VRTN: variants seen among roughly 807,000 people sequenced by gnomAD.
VRTN encodes the protein vertebrae development associated.
A neutral mutation model predicts 18.2 loss-of-function variants in VRTN; 5 were observed. The ratio of observed to expected loss-of-function variants is 0.27; its 90% CI spans 0.14 to 0.58. VRTN has a LOEUF of 0.58. Ranked by LOEUF, VRTN falls within the 20% of genes least tolerant of loss-of-function variation. VRTN has a pLI of 0.91. For missense variants in VRTN, 741 were observed against 939.4 expected, an observed-to-expected ratio of 0.79 and a Z score of 2.76; for synonymous variants, 381 against 393.7, an observed-to-expected ratio of 0.97 and a Z score of 0.38.
At chr14:74,343,080 C>G (rs919297638) in intron 2 of VRTN, among the ~76,000 whole-genome samples, 3 of 151,978 alleles carry the variant, frequency 2.0e-5, no homozygotes, top group Admixed American at 2.0e-4. Flanking sequence ...ATTATACTGG[C>G]AGGGTGGAGA....
chr14:74,308,012 G>A (rs986946124), intron 1 of VRTN, among the ~76,000 whole-genome samples: 87 of 152,332 alleles, frequency 5.7e-4, no homozygotes, highest in African/African-American at 2.0e-3. Flanking sequence ...ACAGGTGTAA[G>A]CCACCGGGTT....
At chr14:74,346,180 G>A (rs138994859), upstream of VRTN, among the ~76,000 whole-genome samples, 204 of 151,918 alleles carry the variant, frequency 1.3e-3, no homozygotes, top group African/African-American at 4.6e-3. Flanking sequence ...GCGTGTGCCT[G>A]TTGTCCCAGC....
intron 1 of VRTN, among the ~76,000 whole-genome samples, chr14:74,353,156 G>C (rs1039980271): frequency 6.6e-6 from 1 of 152,106 alleles, no homozygotes; most frequent in South Asian, 2.1e-4. Flanking sequence ...GGGCGTGGTG[G>C]CATGTGCCTA....
At chr14:74,355,488 A>G (rs1464024583) in intron 1 of VRTN, among the ~76,000 whole-genome samples, 2 of 152,112 alleles carry the variant, frequency 1.3e-5, no homozygotes, top group African/African-American at 4.8e-5. Flanking sequence ...AACGACATGT[A>G]CTTAAGGATA....
At chr14:74,333,362 G>T (rs62006828) in intron 1 of VRTN, among the ~76,000 whole-genome samples, 3 of 151,982 alleles carry the variant, frequency 2.0e-5, no homozygotes, top group African/African-American at 7.3e-5. Flanking sequence ...CAGCCTGGGC[G>T]ACAGAGCGAG....
At chr14:74,333,248 T>G (rs1035359465) in intron 1 of VRTN, among the ~76,000 whole-genome samples, 1 of 151,722 alleles carries the variant, frequency 6.6e-6, no homozygotes, top group African/African-American at 2.4e-5. Flanking sequence ...CTGGGTGTGG[T>G]GGCATGTGCC....
chr14:74,319,984 C>T (rs536756069), intron 1 of VRTN, among the ~76,000 whole-genome samples: 2 of 152,246 alleles, frequency 1.3e-5, no homozygotes, highest in South Asian at 2.1e-4. Flanking sequence ...CACGGTGGCT[C>T]ATGCCTGTAA....
intron 1 of VRTN, among the ~76,000 whole-genome samples, chr14:74,311,511 C>G (rs1244572441): frequency 6.6e-6 from 1 of 151,034 alleles, no homozygotes; most frequent in Non-Finnish European, 1.5e-5. Flanking sequence ...ACCTCTGCCT[C>G]CTGGGGTCAA....
Position 74,334,817 on chromosome 14 carries a change from C to T in VRTN, c.-163-2906C>T, listed in dbSNP as rs59168266. The stretch of plus-strand genomic sequence containing the variant: ...ATCTTGCATACTCCCAGGTACATGC[C>T]GCCCACCTCTGAGCTCCTTGGTACG... On this transcript the variant is annotated intron_variant, in intron 1 of 2. Transcript: ENST00000557177. 4.4e-3 allele frequency among the ~76,000 whole-genome samples: 663 copies of T among 152,238 alleles called. 2 individuals carry two copies. The highest frequency in any genetic ancestry group is 8.0e-3 in the Admixed American group (122 of 15,290).
At chr14:74,312,569 G>A (rs2085394942) in intron 1 of VRTN, among the ~76,000 whole-genome samples, 1 of 151,916 alleles carries the variant, frequency 6.6e-6, no homozygotes, top group South Asian at 2.1e-4. Flanking sequence ...TTCCACCTCA[G>A]CCTCCCGAGT....
At chr14:74,326,124 CCTT>C (rs1267653228) in intron 1 of VRTN, among the ~76,000 whole-genome samples, 1 of 152,122 alleles carries the variant, frequency 6.6e-6, no homozygotes, top group Non-Finnish European at 1.5e-5. Flanking sequence ...GATTCCAAGT[CCTT>C]CTTCTCCCCA....
chr14:74,310,617 A>G (rs905620164), intron 1 of VRTN, among the ~76,000 whole-genome samples: 3 of 144,144 alleles, frequency 2.1e-5, no homozygotes, highest in African/African-American at 7.7e-5. Context: ...GGCTCACTGC[A>G]GCCTCCGCCT....
rs2085658293 is a variant in VRTN, at chr14:74,348,480, TAGACGGTCCATGCTCAATGGTCCTCTAC to T, written c.-170_-143del. The T allele has an allele frequency of 1.3e-5, 2 of 152,282 alleles. No homozygotes were observed. Among genetic ancestry groups the T allele is most frequent in the Non-Finnish European group, 2.9e-5 (2 of 68,076 alleles). 9.4% of individuals were successfully genotyped at this position (152,282 alleles called of 1,614,324 possible). ...CGCTTCCCCACCGGCCAGTTGGCTG[TAGACGGTCCATGCTCAATGGTCCTCTAC>T]AGATATGAAACTGGTTCTGGAGTGA... On this transcript the variant is annotated 5_prime_UTR_variant, in exon 1 of 2. It removes an upstream start codon present in the reference 5' UTR. Transcript: ENST00000256362.
At chr14:74,305,219 C>T (rs1948671110) in intron 1 of VRTN, among the ~76,000 whole-genome samples, 1 of 151,728 alleles carries the variant, frequency 6.6e-6, no homozygotes, top group South Asian at 2.1e-4. Flanking sequence ...GTAATCCCAG[C>T]TACTTGGGAG....
intron 1 of VRTN, among the ~76,000 whole-genome samples, chr14:74,310,782 C>T (rs2140191804): frequency 6.6e-6 from 1 of 152,180 alleles, no homozygotes; most frequent in Non-Finnish European, 1.5e-5. Context: ...AAGTGATCCG[C>T]CCACCTTGGC....
At chr14:74,313,734 A>C (rs1284264115) in intron 1 of VRTN, among the ~76,000 whole-genome samples, 1 of 152,204 alleles carries the variant, frequency 6.6e-6, no homozygotes, top group Admixed American at 6.5e-5. Context: ...TAATTCCAGC[A>C]CTTTGGTAAG....
At chr14:74,333,853 T>A (rs974531661) in intron 1 of VRTN, among the ~76,000 whole-genome samples, 141 of 146,076 alleles carry the variant, frequency 9.7e-4, no homozygotes, top group African/African-American at 3.6e-3. Context: ...AAAAAATAAA[T>A]AAAAATAAAT....
chr14:74,321,635 G>C (rs1412029790), intron 1 of VRTN, among the ~76,000 whole-genome samples: 1 of 149,590 alleles, frequency 6.7e-6, no homozygotes, highest in East Asian at 2.0e-4. Context: ...CTCCTAAGTA[G>C]CTGGGATTAC....
intron 1 of VRTN, among the ~76,000 whole-genome samples, chr14:74,320,561 CTCTTTTTTTTTTTTTTTTT>C (rs2085448888): frequency 1.9e-4 from 17 of 91,522 alleles, no homozygotes; most frequent in African/African-American, 7.2e-4. Flanking sequence ...TGCGCCCGGC[CTCTTTTTTTTTTTTTTTTT>C]TTTTTTTTTT....
Sources: allele counts gnomAD v4.1 joint callset (sites outside exome capture counted in the v4.1 genomes callset), GRCh38; gene constraint gnomAD v4.1.1; transcripts MANE v1.5; gene names NCBI Gene and HGNC (gene_info 2026-07-23, HGNC 2026-07-21).